Variants in CFAP46 observed in about 807,000 individuals in gnomAD.
The protein encoded by CFAP46 is cilia- and flagella-associated protein 46.
A neutral mutation model predicts 325.7 loss-of-function variants in CFAP46; 245 were observed. That is an observed-to-expected ratio of 0.75 (90% CI 0.68 to 0.84). The LOEUF is 0.84. Ranked by LOEUF, CFAP46 falls within the 40% of genes least tolerant of loss-of-function variation. CFAP46 has a pLI of 0.00. For missense variants in CFAP46, 3,346 were observed against 3,543.0 expected (o/e 0.94, Z 1.41); for synonymous variants, 1,523 against 1,495.9 (o/e 1.02, Z -0.42).
At chr10:132,895,641 A>T (rs1849307596) in intron 24 of CFAP46, among the ~76,000 whole-genome samples, 1 of 152,276 alleles carries the variant, frequency 6.6e-6, no homozygotes, top group Admixed American at 6.5e-5. Flanking sequence ...CACAAGATCA[A>T]CACACAACAA....
chr10:132,912,544 T>TCTCTCTCTTCACCTCTCTCTCTCTTCCC, intron 19 of CFAP46, 111 bp downstream of exon 19: 1 of 966,674 alleles, frequency 1.0e-6, no homozygotes, highest in Non-Finnish European at 1.5e-6. Context: ...TCCTCTCCTC[T>TCTCTCTCTTCACCTCTCTCTCTCTTCCC]CTCTCTCTCT....
intron 44 of CFAP46, among the ~76,000 whole-genome samples, chr10:132,839,752 A>G (rs1848320473): frequency 6.6e-6 from 1 of 152,202 alleles, no homozygotes; most frequent in Admixed American, 6.5e-5. Context: ...GCACCTGTCA[A>G]GGTGATTTTG....
At chr10:132,936,904 TC>T in intron 7 of CFAP46, 56 bp downstream of exon 7, 2 of 1,115,318 alleles carry the variant, frequency 1.8e-6, no homozygotes, top group Non-Finnish European at 2.5e-6. Flanking sequence ...GACAGAGCTC[TC>T]CCAAGCCCAG....
At position 132,932,731 on chromosome 10, in the gene CFAP46, C is replaced by T. The variant is rs1255349143; in HGVS notation, c.866+2021G>A. ...CAATCAGGGTCTTTGCAGAAACTGA[C>T]AGGCTGAGGCTAAAATTTGTATCCA... On this transcript the variant is annotated intron_variant, in intron 8 of 57. Transcript: ENST00000368586. 3.3e-5 allele frequency among the ~76,000 whole-genome samples: 5 copies of T among 152,272 alleles called. No homozygotes were observed. The East Asian group carries it at 9.6e-4, about 29-fold the overall frequency.
Position 132,817,120 on chromosome 10 carries a change from T to G in CFAP46, c.7118-2206A>C, listed in dbSNP as rs1847710233. ...TGGTAAAATCTCCCAGCGTTGGGGC[T>G]GGCCAACGGCTGCACCCCGCGGTTT... is the stretch of plus-strand genomic sequence containing the variant. On this transcript the variant is annotated intron_variant, in intron 50 of 57. Coordinates refer to ENST00000368586, the MANE Select transcript of CFAP46 (RefSeq NM_001200049.3). This position sits in a 1 kb window ranked among gnomAD's most constrained non-coding sequence, Gnocchi z 4.4. 2.6e-5 allele frequency among the ~76,000 whole-genome samples: 4 copies of G among 152,198 alleles called. No homozygotes were observed. Among genetic ancestry groups the G allele is most frequent in the Admixed American group, 2.6e-4 (4 of 15,278 alleles).
chr10:132,907,840 C>T (rs1029442863), intron 22 of CFAP46, among the ~76,000 whole-genome samples: 3 of 152,194 alleles, frequency 2.0e-5, no homozygotes, highest in Non-Finnish European at 2.9e-5. Flanking sequence ...TGCCCCTTCC[C>T]GCATGTGAGG....
intron 25 of CFAP46, among the ~76,000 whole-genome samples, chr10:132,887,164 CTTCT>C (rs1215436114): frequency 5.8e-5 from 2 of 34,582 alleles, no homozygotes; most frequent in Admixed American, 6.9e-4. Flanking sequence ...TCTCCTCTCT[CTTCT>C]TTCCTCTCCC....
chr10:132,850,543 G>T (rs1267049215), intron 40 of CFAP46, 111 bp from the exon 41 acceptor site: 6 of 1,094,216 alleles, frequency 5.5e-6, no homozygotes, highest in Non-Finnish European at 7.6e-6. Flanking sequence ...GGAACACTGG[G>T]GAGCTCTGAG....
chr10:132,886,040 C>A lies in CFAP46; in HGVS notation c.3305-81G>T. 2.0e-6 allele frequency: 3 copies of A among 1,502,028 alleles called. No individual in the cohort carries two copies. The South Asian group carries it at 3.8e-5, about 19-fold the overall frequency. The allele number at this position is 1,502,028 out of a possible 1,614,324, so 93.0% of individuals were successfully genotyped here. Reference sequence around the variant, plus strand: ...CCCTCGGACCTCCCAGACTAAGCTGCCCATCACAGTGCCCCTGAGGTGGAA... The same window carrying A: ...CCCTCGGACCTCCCAGACTAAGCTGACCATCACAGTGCCCCTGAGGTGGAA... On this transcript the variant is annotated intron_variant, in intron 25 of 57. Coordinates refer to ENST00000368586, the MANE Select transcript of CFAP46 (RefSeq NM_001200049.3). This position sits in a 1 kb window ranked among gnomAD's most constrained non-coding sequence, Gnocchi z 5.8.
intron 16 of CFAP46, among the ~76,000 whole-genome samples, chr10:132,917,670 T>C (rs1849661339): frequency 6.6e-6 from 1 of 152,240 alleles, no homozygotes; most frequent in Admixed American, 6.5e-5. Context: ...CTTTGGTTTA[T>C]ATTTTTCTCC....
intron 47 of CFAP46, 74 bp downstream of exon 47, chr10:132,835,230 C>T (rs779878102): frequency 9.2e-5 from 145 of 1,571,486 alleles, no homozygotes; most frequent in Non-Finnish European, 9.4e-5. Context: ...CCCCCCACCT[C>T]GCCAGGGTCC....
intron 22 of CFAP46, among the ~76,000 whole-genome samples, chr10:132,900,021 T>C (rs1410926123): frequency 6.6e-6 from 1 of 152,112 alleles, no homozygotes; most frequent in African/African-American, 2.4e-5. Flanking sequence ...TAGTGGACCC[T>C]CAAGACTGTC....
chr10:132,834,554 C>G (rs1443883658), intron 48 of CFAP46, 100 bp downstream of exon 48: 2 of 1,507,612 alleles, frequency 1.3e-6, no homozygotes, highest in Non-Finnish European at 1.8e-6. Flanking sequence ...CAAAGGCGGC[C>G]GAGAAGGCAC....
rs746692958 is a variant in CFAP46, at chr10:132,834,645, C to T, written c.6866+9G>A. On this transcript the variant is annotated intron_variant, in intron 48 of 57. Transcript: ENST00000368586. ...GGTGGGGTGCCAGCCTCAACGTCAT[C>T]CCCAGTACCTGGCCTTGGAGAGGCT... The T allele has an allele frequency of 6.2e-7, 1 of 1,612,990 alleles. No homozygotes were observed. The highest frequency in any genetic ancestry group is 1.1e-5 in the South Asian group (1 of 90,968).
chr10:132,814,881 T>G lies in CFAP46; in HGVS notation c.7151A>C (p.Asp2384Ala). The change falls in exon 51 of 58, where the codon GAC becomes GCC. Residue 2384 changes from aspartate to alanine, a missense_variant. By Grantham distance (126) the Asp-to-Ala change is moderately radical. Coordinates refer to ENST00000368586, the MANE Select transcript of CFAP46 (RefSeq NM_001200049.3). ...CTTCGCTAGGCTTCTCTTTTTGGGG[T>G]CTCTGCTTCTTCCCTCCTTTTTCAC... is the stretch of plus-strand genomic sequence containing the variant. ...GGVKKEGRSR[D>A]PKKRSLAKKG... 6.2e-7 allele frequency: 1 copy of G among 1,614,132 alleles called. No homozygotes were observed. The highest frequency in any genetic ancestry group is 8.5e-7 in the Non-Finnish European group (1 of 1,180,018).
At chr10:132,908,358 T>G in intron 22 of CFAP46, 110 bp downstream of exon 22, 35 of 1,306,446 alleles carry the variant, frequency 2.7e-5, no homozygotes, top group Non-Finnish European at 3.4e-5. Flanking sequence ...TCCCTGCCCG[T>G]TTTGGGGAAC....
chr10:132,850,614 T>G (rs1848522558), intron 40 of CFAP46, among the ~76,000 whole-genome samples, 182 bp from the exon 41 acceptor site: 1 of 152,192 alleles, frequency 6.6e-6, no homozygotes, highest in South Asian at 2.1e-4. Flanking sequence ...AGACGTCTGC[T>G]CATAGAACCT....
intron 35 of CFAP46, among the ~76,000 whole-genome samples, chr10:132,861,934 C>T (rs1029389486): frequency 6.6e-6 from 1 of 152,162 alleles, no homozygotes; most frequent in African/African-American, 2.4e-5. Context: ...CATCTCTGGC[C>T]GTTCCATGCA....
Position 132,909,256 on chromosome 10 carries a change from GAT to G in CFAP46, c.2650-14_2650-13del. 6.5e-7 allele frequency: 1 copy of G among 1,543,568 alleles called. No homozygotes were observed. The highest frequency in any genetic ancestry group is 8.8e-7 in the Non-Finnish European group (1 of 1,140,774). ...TCCTCATTGGTGCCCTGGTGGGGAG[GAT>G]GCCCTGAGTGTATCAGCCCAAGCGT... On this transcript the variant is annotated splice_polypyrimidine_tract_variant and intron_variant, in intron 20 of 57. Coordinates refer to ENST00000368586, the MANE Select transcript of CFAP46 (RefSeq NM_001200049.3).
Sources: gnomAD v4.1 joint callset for allele counts (sites outside exome capture counted in the v4.1 genomes callset) on GRCh38, gnomAD v4.1.1 for gene constraint, Gnocchi (gnomAD v3.1) non-coding constraint, MANE v1.5 for transcripts, NCBI Gene and HGNC (gene_info 2026-07-23, HGNC 2026-07-21) for gene names.